The following SCTR variants were observed in gnomAD, a reference collection of about 807,000 sequenced individuals.
The protein encoded by SCTR is pancreatic secretin receptor.
A neutral mutation model predicts 60.8 loss-of-function variants in SCTR; 56 were observed. That is an observed-to-expected ratio of 0.92 (90% CI 0.74 to 1.15). The LOEUF (loss-of-function observed/expected upper bound fraction) is 1.15. Among genes scored for constraint, SCTR ranks in the 50% most tolerant of loss-of-function variants. SCTR has a pLI of 0.00. For synonymous variants in SCTR, 202 were observed against 217.0 expected (o/e 0.93, Z 0.61); for missense variants, 562 against 550.4 (o/e 1.02, Z -0.21).
chr2:119,522,204 G>A (rs1409895810), intron 1 of SCTR, among the ~76,000 whole-genome samples: 1 of 152,134 alleles, frequency 6.6e-6, no homozygotes, highest in African/African-American at 2.4e-5. Flanking sequence ...GCTGAGGCAG[G>A]AGAATCCCTT....
intron 11 of SCTR, among the ~76,000 whole-genome samples, chr2:119,444,259 GA>G (rs200630469): frequency 2.3e-5 from 2 of 86,928 alleles, no homozygotes; most frequent in East Asian, 5.1e-4. Context: ...ATATACATAT[GA>G]ATATATACAT....
chr2:119,503,610 G>A (rs1257485212), intron 1 of SCTR, among the ~76,000 whole-genome samples: 2 of 152,136 alleles, frequency 1.3e-5, no homozygotes, highest in African/African-American at 2.4e-5. Context: ...AAAAAAATCA[G>A]TGGTTGCCAG....
intron 1 of SCTR, among the ~76,000 whole-genome samples, chr2:119,516,219 T>C (rs1426187368): frequency 2.6e-5 from 4 of 152,178 alleles, no homozygotes; most frequent in Non-Finnish European, 5.9e-5. Flanking sequence ...CTTCTGGTCA[T>C]AAACCCAAAG....
At chr2:119,466,688 C>T (rs1397686030) in intron 4 of SCTR, among the ~76,000 whole-genome samples, 4 of 152,096 alleles carry the variant, frequency 2.6e-5, no homozygotes, top group Non-Finnish European at 5.9e-5. Flanking sequence ...GAGGTCAAGG[C>T]TGCAGTGAGC....
At chr2:119,476,403 G>GC (rs1558859410) in intron 3 of SCTR, 1 of 152,170 alleles carries the variant, frequency 6.6e-6, no homozygotes, top group Non-Finnish European at 1.5e-5. Context: ...GGCCCTGCAG[G>GC]CCCACAGCGA....
intron 1 of SCTR, among the ~76,000 whole-genome samples, chr2:119,498,588 C>T (rs776801979): frequency 4.6e-5 from 7 of 151,822 alleles, no homozygotes; most frequent in Non-Finnish European, 8.8e-5. Flanking sequence ...ATTACAAATG[C>T]GGGATGATAA....
chr2:119,493,260 A>G (rs1216210342), intron 2 of SCTR, among the ~76,000 whole-genome samples: 1 of 152,238 alleles, frequency 6.6e-6, no homozygotes, highest in East Asian at 1.9e-4. Flanking sequence ...TAAAGGCTGA[A>G]TAATATCCCA....
intron 1 of SCTR, among the ~76,000 whole-genome samples, chr2:119,513,335 T>C (rs948263421): frequency 6.6e-6 from 1 of 152,224 alleles, no homozygotes; most frequent in African/African-American, 2.4e-5. Flanking sequence ...TTAAAAGTGT[T>C]TCCAGAGACA....
intron 10 of SCTR, among the ~76,000 whole-genome samples, chr2:119,448,266 C>A (rs1042586832): frequency 6.6e-6 from 1 of 152,190 alleles, no homozygotes; most frequent in Admixed American, 6.5e-5. Context: ...CCCTAGAAAA[C>A]GAACGTATTT....
At chr2:119,506,319 C>T (rs937420886) in intron 1 of SCTR, among the ~76,000 whole-genome samples, 5 of 152,090 alleles carry the variant, frequency 3.3e-5, no homozygotes, top group Non-Finnish European at 5.9e-5. Context: ...GAACCCTATT[C>T]GGCAATAAAA....
intron 2 of SCTR, among the ~76,000 whole-genome samples, chr2:119,481,820 C>T (rs1461084299): frequency 6.6e-6 from 1 of 151,864 alleles, no homozygotes; most frequent in East Asian, 1.9e-4. Context: ...GCCTCCCACA[C>T]CAGTCCCGCC....
intron 7 of SCTR, among the ~76,000 whole-genome samples, chr2:119,460,156 G>A (rs750126573): frequency 1.3e-5 from 2 of 151,704 alleles, no homozygotes; most frequent in Non-Finnish European, 2.9e-5. Context: ...TCCCCTGATC[G>A]GGAGACAGGG....
intron 2 of SCTR, among the ~76,000 whole-genome samples, chr2:119,492,787 A>T (rs1678185007): frequency 6.6e-6 from 1 of 152,102 alleles, no homozygotes; most frequent in Non-Finnish European, 1.5e-5. Flanking sequence ...TGCACATTTT[A>T]TATCAGTGAA....
chr2:119,507,680 C>CTTTT (rs1222628111), intron 1 of SCTR, among the ~76,000 whole-genome samples: 7 of 99,276 alleles, frequency 7.1e-5, no homozygotes, highest in East Asian at 3.0e-4. Flanking sequence ...TTTTTTTTTT[C>CTTTT]TTTTTTTTTT....
At chr2:119,476,444 A>AGAGTC (rs2104841155) in intron 3 of SCTR, 1 of 152,400 alleles carries the variant, frequency 6.6e-6, no homozygotes, top group South Asian at 2.1e-4. Context: ...AAACTGCAGC[A>AGAGTC]GAGTCGGCAC....
Position 119,512,302 on chromosome 2 carries a change from T to TCC in SCTR, c.72+11851_72+11852dup, listed in dbSNP as rs1398666609. Among the ~76,000 whole-genome samples the TCC allele has an allele frequency of 7.5e-3, 1,079 of 144,208 alleles. 52 individuals carry two copies. Among genetic ancestry groups the TCC allele is most frequent in the African/African-American group, 0.027 (1,029 of 38,692 alleles). 94.6% of individuals were successfully genotyped at this position (144,208 alleles called of 152,430 possible). A position where few individuals can be genotyped will look rare whatever the true frequency, so the allele number is the denominator to read the frequency against. Reference sequence around the variant, plus strand: ...TTTGTCTTCGTGATCTTCTTCCTCTTCCTCTTCCCCTTCCCCTTCCCCTTC... The same window carrying TCC: ...TTTGTCTTCGTGATCTTCTTCCTCTTCCCCTCTTCCCCTTCCCCTTCCCCTTC... On this transcript the variant is annotated intron_variant, in intron 1 of 12. Transcript: ENST00000019103.
chr2:119,508,670 T>C (rs948026447), intron 1 of SCTR, among the ~76,000 whole-genome samples: 7 of 152,140 alleles, frequency 4.6e-5, no homozygotes, highest in Admixed American at 3.9e-4. Context: ...ATTACAGGTG[T>C]GAGCCACTGT....
intron 2 of SCTR, among the ~76,000 whole-genome samples, chr2:119,487,689 G>A (rs977169508): frequency 2.6e-5 from 4 of 152,192 alleles, no homozygotes; most frequent in Non-Finnish European, 5.9e-5. Flanking sequence ...AGCTATTAGG[G>A]TGACCCTGAA....
rs1270313879 is a variant in SCTR at position 119,440,113 on chromosome 2, C to T, written c.*4G>A. ...CTGTCCGTGGGTGACCCTGCTCCAG[C>T]CTCTCAGATGATGCTGGTCCTGCAG... On this transcript the variant is annotated 3_prime_UTR_variant, in exon 13 of 13. Coordinates refer to ENST00000019103, the MANE Select transcript of SCTR (RefSeq NM_002980.3). The T allele has an allele frequency of 3.7e-6, 6 of 1,613,018 alleles. No individual in the cohort carries two copies. Among genetic ancestry groups the T allele is most frequent in the Non-Finnish European group, 5.1e-6 (6 of 1,179,534 alleles).
Sources: gnomAD v4.1 joint callset for allele counts (sites outside exome capture counted in the v4.1 genomes callset) on GRCh38, gnomAD v4.1.1 for gene constraint, MANE v1.5 for transcripts, NCBI Gene and HGNC (gene_info 2026-07-23, HGNC 2026-07-21) for gene names.